ATP9B: variants seen among roughly 807,000 people sequenced by gnomAD.
ATP9B encodes probable phospholipid-transporting ATPase IIB.
Under a neutral mutation model 146.1 loss-of-function variants are expected in ATP9B, and 110 were observed. The observed-to-expected ratio is 0.75, with a 90% CI of 0.65 to 0.88. The LOEUF (loss-of-function observed/expected upper bound fraction) is 0.88, where lower values mean the gene tolerates loss of function less well. ATP9B is among the 40% of genes least tolerant of loss of function. ATP9B has a pLI of 0.00. For missense variants in ATP9B, 1,499 were observed against 1,496.4 expected (o/e 1.00, Z -0.03); for synonymous variants, 604 against 569.7 (o/e 1.06, Z -0.86).
intron 15 of ATP9B, among the ~76,000 whole-genome samples, chr18:79,327,774 C>G (rs1369050125): frequency 8.3e-6 from 1 of 120,048 alleles, no homozygotes; most frequent in Non-Finnish European, 1.7e-5. Flanking sequence ...CTGTGGTTAA[C>G]GTGCTCTCCG....
chr18:79,332,354 G>A (rs180913205), intron 17 of ATP9B, among the ~76,000 whole-genome samples: 108 of 152,310 alleles, frequency 7.1e-4, no homozygotes, highest in African/African-American at 1.7e-3. Context: ...GCGTGAACCC[G>A]GGAGGCAGAG....
chr18:79,358,054 C>T (rs373422381), intron 25 of ATP9B, among the ~76,000 whole-genome samples: 250 of 5,350 alleles, frequency 0.047, no homozygotes, highest in Non-Finnish European at 0.046. Flanking sequence ...TGGAGGTGTC[C>T]GTGTGAGGGA....
rs368721006 is a variant in ATP9B at position 79,285,020 on chromosome 18, T to C, written c.1411+7824T>C. On this transcript the variant is annotated intron_variant, in intron 13 of 29. Transcript: ENST00000426216. Reference sequence around the variant, plus strand: ...CACATTTTCTTAATCCAGTCTATCATTGTTGGACATTTGGGTTGGTTCCAA... The same window carrying C: ...CACATTTTCTTAATCCAGTCTATCACTGTTGGACATTTGGGTTGGTTCCAA... Among the ~76,000 whole-genome samples, 362 of 152,172 alleles carry C rather than the reference T, an allele frequency of 2.4e-3. 1 individual carries two copies. The highest frequency in any genetic ancestry group is 6.2e-3 in the South Asian group (30 of 4,814).
intron 5 of ATP9B, among the ~76,000 whole-genome samples, chr18:79,140,436 G>T (rs752611321): frequency 6.6e-6 from 1 of 152,024 alleles, no homozygotes; most frequent in Non-Finnish European, 1.5e-5. Context: ...GACTGGTAGT[G>T]GGGTTGGTGG....
At position 79,113,348 on chromosome 18, in the gene ATP9B, T is replaced by C; in HGVS notation, c.552T>C (p.Ala184=). 6.5e-7 allele frequency: 1 copy of C among 1,528,366 alleles called. No homozygotes were observed. The highest frequency in any genetic ancestry group is 1.2e-5 in the South Asian group (1 of 84,344). 94.7% of individuals were successfully genotyped at this position (1,528,366 alleles called of 1,614,324 possible). A position where few individuals can be genotyped will look rare whatever the true frequency, so the allele number is the denominator to read the frequency against. The change falls in exon 4 of 30, where the codon GCT becomes GCC. Residue 184 remains alanine (A), a synonymous_variant. Transcript: ENST00000426216. ...LKIGYLYTYW[A]PLGFVLAVTM... ...TAGGCTATCTCTACACCTACTGGGC[T>C]CCTCTGGTAAGAAAAGACTTTAAAA... is the stretch of plus-strand genomic sequence containing the variant.
chr18:79,108,816 C>G (rs1194771284), intron 2 of ATP9B, among the ~76,000 whole-genome samples: 1 of 152,164 alleles, frequency 6.6e-6, no homozygotes, highest in East Asian at 1.9e-4. Flanking sequence ...ATAGTACCAA[C>G]TTCAGTTGAG....
chr18:79,289,698 G>C (rs2096482295), intron 13 of ATP9B, among the ~76,000 whole-genome samples: 1 of 152,170 alleles, frequency 6.6e-6, no homozygotes, highest in Non-Finnish European at 1.5e-5. Context: ...CTGCTTTTTA[G>C]AGTTTGCAGT....
intron 2 of ATP9B, among the ~76,000 whole-genome samples, chr18:79,108,387 C>A (rs2075794243): frequency 6.6e-6 from 1 of 152,166 alleles, no homozygotes. Flanking sequence ...CTTTCCTACC[C>A]TACCAAAAAT....
At position 79,348,172 on chromosome 18, in the gene ATP9B, T is replaced by C. The variant is rs2096901402; in HGVS notation, c.2879T>C (p.Leu960Ser). ...GTCTTCTACTTCGCATCCGTCCCTT[T>C]GTATCAGGGCTTCCTCATGGTGGGG... ...SSVFYFASVP[L>S]YQGFLMVGYA... The change falls in exon 25 of 30, where the codon TTG (leucine) becomes TCG (serine). Residue 960 changes from leucine to serine, a missense_variant. Transcript: ENST00000426216. 2.5e-6 allele frequency: 4 copies of C among 1,613,196 alleles called. No individual in the cohort carries two copies. In the African/African-American group the frequency reaches 5.4e-5, roughly 22 times the overall value.
chr18:79,119,452 T>C (rs913766003), intron 4 of ATP9B, among the ~76,000 whole-genome samples: 1 of 152,260 alleles, frequency 6.6e-6, no homozygotes, highest in African/African-American at 2.4e-5. Flanking sequence ...TCATCCTCTG[T>C]TATTTTGAAG....
rs150573535 is a variant in ATP9B at position 79,295,276 on chromosome 18, A to G, written c.1412-8328A>G. Reference sequence around the variant, plus strand: ...TTCAAATCAACTGCCCTACTAAAGCATCAGAAATACATTGGTCTAGCAAAG... The same window carrying G: ...TTCAAATCAACTGCCCTACTAAAGCGTCAGAAATACATTGGTCTAGCAAAG... On this transcript the variant is annotated intron_variant, in intron 13 of 29. Coordinates refer to ENST00000426216, the MANE Select transcript of ATP9B (RefSeq NM_198531.5). Among the ~76,000 whole-genome samples, 365 of 152,346 alleles carry G rather than the reference A, an allele frequency of 2.4e-3. 1 individual carries two copies. The highest frequency in any genetic ancestry group is 6.4e-3 in the South Asian group (31 of 4,828).
chr18:79,090,884 A>G (rs1463988731), intron 1 of ATP9B, among the ~76,000 whole-genome samples: 1 of 152,106 alleles, frequency 6.6e-6, no homozygotes, highest in East Asian at 1.9e-4. Flanking sequence ...ATTTCCCCCA[A>G]TATTTTCTTG....
At chr18:79,143,515 C>G (rs2094539470) in intron 5 of ATP9B, among the ~76,000 whole-genome samples, 1 of 152,132 alleles carries the variant, frequency 6.6e-6, no homozygotes, top group South Asian at 2.1e-4. Context: ...TGACTTGGAA[C>G]TGAAACAATT....
intron 11 of ATP9B, among the ~76,000 whole-genome samples, chr18:79,222,722 G>T (rs1388186036): frequency 6.6e-6 from 1 of 152,102 alleles, no homozygotes; most frequent in Non-Finnish European, 1.5e-5. Context: ...AAAAGAAGAT[G>T]GAGTCTACTC....
At chr18:79,162,568 T>C (rs895134783) in intron 7 of ATP9B, among the ~76,000 whole-genome samples, 5 of 152,252 alleles carry the variant, frequency 3.3e-5, no homozygotes, top group Admixed American at 6.5e-5. Flanking sequence ...GTACCTCAGC[T>C]GTCTGTCACT....
intron 11 of ATP9B, among the ~76,000 whole-genome samples, chr18:79,215,958 A>G (rs989277612): frequency 1.3e-5 from 2 of 152,128 alleles, no homozygotes; most frequent in African/African-American, 2.4e-5. Flanking sequence ...CCAAAGTGCT[A>G]GGATTACAGG....
intron 26 of ATP9B, chr18:79,360,724 C>G (rs1482756886): frequency 6.6e-6 from 1 of 152,118 alleles, no homozygotes; most frequent in Non-Finnish European, 1.5e-5. Flanking sequence ...GTGTTATAAT[C>G]AAGACAAATA....
intron 5 of ATP9B, among the ~76,000 whole-genome samples, chr18:79,140,761 C>T (rs1422657102): frequency 6.6e-6 from 1 of 152,040 alleles, no homozygotes; most frequent in East Asian, 1.9e-4. Context: ...GCCTGGGCAA[C>T]AAGAGTGAAA....
At chr18:79,281,136 C>T (rs183421978) in intron 13 of ATP9B, among the ~76,000 whole-genome samples, 93 of 152,252 alleles carry the variant, frequency 6.1e-4, no homozygotes, top group Non-Finnish European at 1.1e-3. Context: ...ATGATTAATA[C>T]GTCCTGTCAG....
Sources: gnomAD v4.1 joint callset for allele counts (sites outside exome capture counted in the v4.1 genomes callset) on GRCh38, gnomAD v4.1.1 for gene constraint, MANE v1.5 for transcripts, NCBI Gene and HGNC (gene_info 2026-07-23, HGNC 2026-07-21) for gene names.